Variants in CFAP54 observed in about 807,000 individuals in gnomAD.
CFAP54 encodes the protein cilia and flagella associated protein 54.
Under a neutral mutation model 370.4 loss-of-function variants are expected in CFAP54, and 290 were observed. The observed-to-expected ratio is 0.78, with a 90% confidence interval of 0.71 to 0.86. CFAP54 has a LOEUF of 0.86. Among genes scored for constraint, CFAP54 ranks in the 40% least tolerant of loss-of-function variants. CFAP54 has a pLI of 0.00. For missense variants in CFAP54, 3,399 were observed against 3,528.7 expected, an observed-to-expected ratio of 0.96 and a Z score of 0.93; for synonymous variants, 1,206 against 1,236.5, an observed-to-expected ratio of 0.98 and a Z score of 0.52.
At chr12:96,860,976 G>T in intron 67 of CFAP54, 24 bp downstream of exon 67, 1 of 1,442,612 alleles carries the variant, frequency 6.9e-7, no homozygotes, top group Non-Finnish European at 9.1e-7. Flanking sequence ...GGATTTAATT[G>T]TTGTTGTTTC....
chr12:96,740,741 A>G (rs528092683), intron 51 of CFAP54, among the ~76,000 whole-genome samples: 2 of 152,346 alleles, frequency 1.3e-5, no homozygotes, highest in African/African-American at 4.8e-5. Flanking sequence ...CTAAAAAGCA[A>G]TCTAACTCTA....
rs754162873 is a variant in CFAP54 at position 96,577,267 on chromosome 12, ATAAAC to A, written c.2796+507_2796+511del. Among the ~76,000 whole-genome samples, 6 of 152,346 alleles carry A rather than the reference ATAAAC, an allele frequency of 3.9e-5. No homozygotes were observed. The South Asian group carries it at 6.2e-4, about 16-fold the overall frequency. ...AGCAAAGGACAATTCCAACCATATT[ATAAAC>A]CATACATCTTTGTGTATTTATTGGA... On this transcript the variant is annotated intron_variant, in intron 20 of 67. Coordinates refer to ENST00000524981, the MANE Select transcript of CFAP54 (RefSeq NM_001306084.2).
At chr12:96,559,062 A>G (rs1292775250) in intron 17 of CFAP54, among the ~76,000 whole-genome samples, 1 of 152,064 alleles carries the variant, frequency 6.6e-6, no homozygotes, top group Admixed American at 6.6e-5. Context: ...CTAAAAATAC[A>G]AAAATCAGCT....
chr12:96,707,006 T>G (rs1199519657), intron 47 of CFAP54, among the ~76,000 whole-genome samples: 1 of 151,978 alleles, frequency 6.6e-6, no homozygotes, highest in African/African-American at 2.4e-5. Flanking sequence ...TGAGCCTGAT[T>G]AAGATCACCT....
At chr12:96,640,556 A>G (rs1233657313) in intron 32 of CFAP54, among the ~76,000 whole-genome samples, 1 of 152,202 alleles carries the variant, frequency 6.6e-6, no homozygotes, top group East Asian at 1.9e-4. Flanking sequence ...GACTTTCTTC[A>G]CAGAATTGGA....
rs1480813796 is a variant in CFAP54 at position 96,784,577 on chromosome 12, A to C, written c.8282-140A>C. ...TAACTTGGTGTTTGGTGTCTGCATG[A>C]TACAAAAGACTTTTAAATTGAACAT... On this transcript the variant is annotated intron_variant, in intron 60 of 67. Coordinates refer to ENST00000524981, the MANE Select transcript of CFAP54 (RefSeq NM_001306084.2). 7.1e-6 allele frequency: 4 copies of C among 560,236 alleles called. No homozygotes were observed. In the South Asian group the frequency reaches 1.6e-4, roughly 23 times the overall value. The allele number at this position is 560,236 out of a possible 1,614,324, so 34.7% of individuals were successfully genotyped here. A position where few individuals can be genotyped will look rare whatever the true frequency, so the allele number is the denominator to read the frequency against.
At chr12:96,824,752 C>G (rs761756938) in intron 65 of CFAP54, among the ~76,000 whole-genome samples, 9 of 152,132 alleles carry the variant, frequency 5.9e-5, no homozygotes, top group Non-Finnish European at 1.0e-4. Flanking sequence ...GGTGTCCTAG[C>G]TGATTTCTCT....
intron 32 of CFAP54, among the ~76,000 whole-genome samples, chr12:96,639,834 G>A (rs958152193): frequency 4.6e-5 from 7 of 152,158 alleles, no homozygotes; most frequent in African/African-American, 1.4e-4. Flanking sequence ...AAAACCACAT[G>A]ATTATCTCAA....
chr12:96,613,968 A>AC (rs1956388939), intron 26 of CFAP54, among the ~76,000 whole-genome samples: 1 of 152,206 alleles, frequency 6.6e-6, no homozygotes, highest in South Asian at 2.1e-4. Flanking sequence ...TTCTGAAACT[A>AC]TTCCAATCAA....
intron 26 of CFAP54, among the ~76,000 whole-genome samples, chr12:96,617,143 C>A (rs911450899): frequency 6.6e-6 from 1 of 152,096 alleles, no homozygotes; most frequent in African/African-American, 2.4e-5. Context: ...CTCATTGAAC[C>A]CTGCATGAGG....
intron 38 of CFAP54, among the ~76,000 whole-genome samples, chr12:96,663,224 A>G (rs1957015692): frequency 6.6e-6 from 1 of 152,208 alleles, no homozygotes; most frequent in Non-Finnish European, 1.5e-5. Flanking sequence ...AAGAAGAAGC[A>G]TCTATATCAG....
intron 32 of CFAP54, among the ~76,000 whole-genome samples, chr12:96,640,736 T>A (rs933731194): frequency 3.3e-5 from 5 of 152,208 alleles, no homozygotes; most frequent in South Asian, 4.1e-4. Context: ...AGATATAGAC[T>A]AATGGAACAG....
At chr12:96,786,188 CT>C (rs1396142678) in intron 61 of CFAP54, among the ~76,000 whole-genome samples, 2 of 146,328 alleles carry the variant, frequency 1.4e-5, no homozygotes, top group African/African-American at 2.5e-5. Context: ...TTGAAATTTT[CT>C]TTTTTTTAAT....
chr12:96,627,942 C>T (rs1285751046), intron 30 of CFAP54, among the ~76,000 whole-genome samples: 1 of 152,188 alleles, frequency 6.6e-6, no homozygotes, highest in African/African-American at 2.4e-5. Context: ...GATTATAATA[C>T]TGTATTTATA....
At chr12:96,640,286 C>T (rs1317416922) in intron 32 of CFAP54, among the ~76,000 whole-genome samples, 1 of 152,152 alleles carries the variant, frequency 6.6e-6, no homozygotes, top group East Asian at 1.9e-4. Context: ...ACAACAATAA[C>T]AGACAAACAG....
chr12:96,868,125 G>A (rs764802944), intron 67 of CFAP54, among the ~76,000 whole-genome samples: 4 of 152,146 alleles, frequency 2.6e-5, no homozygotes, highest in East Asian at 1.9e-4. Flanking sequence ...GAACCTGTCC[G>A]TACCACTTCC....
rs557626629 is a variant in CFAP54 at position 96,843,751 on chromosome 12, A to G, written c.9171+14663A>G. Among the ~76,000 whole-genome samples the G allele has an allele frequency of 1.5e-4, 23 of 152,292 alleles. 1 individual carries two copies. In the South Asian group the frequency reaches 4.3e-3, roughly 29 times the overall value. ...TTTGCCGGGCACAATCACAATTTAC[A>G]TGTGTCGAGTTACAGTTGTGATTCA... is the stretch of plus-strand genomic sequence containing the variant. On this transcript the variant is annotated intron_variant, in intron 66 of 67. Coordinates refer to ENST00000524981, the MANE Select transcript of CFAP54 (RefSeq NM_001306084.2).
At chr12:96,504,309 A>G (rs1955066095) in intron 3 of CFAP54, among the ~76,000 whole-genome samples, 1 of 152,242 alleles carries the variant, frequency 6.6e-6, no homozygotes. Flanking sequence ...AGTGCTTTGG[A>G]AAACAAATTT....
intron 63 of CFAP54, among the ~76,000 whole-genome samples, chr12:96,796,343 A>T (rs972381318): frequency 2.0e-5 from 3 of 152,222 alleles, no homozygotes; most frequent in African/African-American, 7.2e-5. Context: ...TGTTTTTCAT[A>T]TCACGATTTT....
Sources: gnomAD v4.1 joint callset for allele counts (sites outside exome capture counted in the v4.1 genomes callset) on GRCh38, gnomAD v4.1.1 for gene constraint, MANE v1.5 for transcripts, NCBI Gene and HGNC (gene_info 2026-07-23, HGNC 2026-07-21) for gene names.